The following TNR variants were observed in gnomAD, a reference collection of about 807,000 sequenced individuals.
TNR encodes the protein tenascin R, also known as tenascin-R.
In TNR, 45 loss-of-function variants were observed where a neutral mutation model predicts 150.4. That is an observed-to-expected ratio of 0.30 (90% CI 0.24 to 0.38). The LOEUF (loss-of-function observed/expected upper bound fraction) is 0.38. Among genes scored for constraint, TNR ranks in the 10% least tolerant of loss-of-function variants. The pLI is 1.00. For missense variants in TNR, 1,544 were observed against 1,759.1 expected, an observed-to-expected ratio of 0.88 and a Z score of 2.19; for synonymous variants, 687 against 678.4, an observed-to-expected ratio of 1.01 and a Z score of -0.20.
intron 1 of TNR, among the ~76,000 whole-genome samples, chr1:175,705,998 A>G (rs921708032): frequency 6.6e-6 from 1 of 152,230 alleles, no homozygotes; most frequent in African/African-American, 2.4e-5. Context: ...TTACACAGCC[A>G]GAGAAGACAA....
chr1:175,702,784 T>A (rs1666733888), intron 1 of TNR, among the ~76,000 whole-genome samples: 1 of 152,216 alleles, frequency 6.6e-6, no homozygotes, highest in South Asian at 2.1e-4. Flanking sequence ...TGTTCCACAT[T>A]TGGGGAATGT....
At chr1:175,519,289 AGT>A (rs1393259652) in intron 2 of TNR, among the ~76,000 whole-genome samples, 1 of 152,192 alleles carries the variant, frequency 6.6e-6, no homozygotes, top group African/African-American at 2.4e-5. Context: ...CTGATCTTCC[AGT>A]GTGTGTGTTC....
intron 1 of TNR, among the ~76,000 whole-genome samples, chr1:175,600,724 C>T (rs772969234): frequency 2.6e-5 from 4 of 152,216 alleles, no homozygotes; most frequent in African/African-American, 4.8e-5. Context: ...GAGGAAGGAG[C>T]TCATTTAAAA....
chr1:175,709,339 A>ACACACACG (rs916667566), intron 1 of TNR, among the ~76,000 whole-genome samples: 1 of 150,708 alleles, frequency 6.6e-6, no homozygotes, highest in African/African-American at 2.4e-5. Context: ...ACACACACAC[A>ACACACACG]CACGCACTTC....
At chr1:175,732,591 A>C (rs1019206026) in intron 1 of TNR, among the ~76,000 whole-genome samples, 2 of 152,228 alleles carry the variant, frequency 1.3e-5, no homozygotes, top group African/African-American at 4.8e-5. Flanking sequence ...TTTGTGGTTC[A>C]AACCAAGCTT....
intron 2 of TNR, among the ~76,000 whole-genome samples, chr1:175,483,151 T>C (rs1387116631): frequency 6.6e-6 from 1 of 152,162 alleles, no homozygotes; most frequent in Non-Finnish European, 1.5e-5. Flanking sequence ...CAGGCTCCAG[T>C]CCATGCCTTC....
At chr1:175,356,113 G>T (rs1651313061) in intron 16 of TNR, among the ~76,000 whole-genome samples, 1 of 152,008 alleles carries the variant, frequency 6.6e-6, no homozygotes, top group Admixed American at 6.6e-5. Flanking sequence ...TGTCACCCAG[G>T]GTGAGAGCAG....
At chr1:175,327,556 A>G (rs1007807163) in intron 21 of TNR, among the ~76,000 whole-genome samples, 1 of 152,042 alleles carries the variant, frequency 6.6e-6, no homozygotes, top group Non-Finnish European at 1.5e-5. Flanking sequence ...CCATGTTAAG[A>G]CTGAATTCCT....
chr1:175,695,289 G>C (rs1383199055), intron 1 of TNR, among the ~76,000 whole-genome samples: 1 of 152,218 alleles, frequency 6.6e-6, no homozygotes, highest in Non-Finnish European at 1.5e-5. Context: ...CCTGCCCACA[G>C]CCGTGTAAGT....
intron 1 of TNR, among the ~76,000 whole-genome samples, chr1:175,719,772 C>A (rs1424284785): frequency 2.6e-5 from 4 of 152,158 alleles, no homozygotes; most frequent in Admixed American, 6.5e-5. Flanking sequence ...CCTTTATTTC[C>A]CTACCTGCTG....
chr1:175,473,802 A>G (rs949622017), intron 2 of TNR, among the ~76,000 whole-genome samples: 2 of 152,214 alleles, frequency 1.3e-5, no homozygotes, highest in Admixed American at 6.5e-5. Flanking sequence ...ATCTACCCGG[A>G]AAGATCAATG....
chr1:175,672,551 T>C (rs1571737402), intron 1 of TNR, among the ~76,000 whole-genome samples: 1 of 152,210 alleles, frequency 6.6e-6, no homozygotes, highest in Non-Finnish European at 1.5e-5. Flanking sequence ...GCCTTCACTC[T>C]CCATCCAAAG....
intron 1 of TNR, among the ~76,000 whole-genome samples, chr1:175,589,486 A>C (rs1662708104): frequency 6.6e-6 from 1 of 152,208 alleles, no homozygotes; most frequent in African/African-American, 2.4e-5. Flanking sequence ...TTTGATATTC[A>C]TAGAGCACCT....
At chr1:175,324,139 C>T (rs1649223902) in intron 22 of TNR, among the ~76,000 whole-genome samples, 2 of 152,214 alleles carry the variant, frequency 1.3e-5, no homozygotes, top group Non-Finnish European at 2.9e-5. Flanking sequence ...AAGGGCTTCT[C>T]TGGGTAAGTT....
intron 2 of TNR, among the ~76,000 whole-genome samples, chr1:175,503,032 G>C (rs1658801412): frequency 6.7e-6 from 1 of 149,310 alleles, no homozygotes; most frequent in South Asian, 2.1e-4. Flanking sequence ...TCCCAACCCT[G>C]CTCCCCAGGG....
At chr1:175,497,829 G>A (rs1418807856) in intron 2 of TNR, among the ~76,000 whole-genome samples, 5 of 152,178 alleles carry the variant, frequency 3.3e-5, no homozygotes, top group Admixed American at 3.3e-4. Flanking sequence ...GGAGGCCGAG[G>A]TGGGCAGATC....
At chr1:175,667,689 G>C (rs1184253230) in intron 1 of TNR, among the ~76,000 whole-genome samples, 2 of 152,182 alleles carry the variant, frequency 1.3e-5, no homozygotes, top group Non-Finnish European at 2.9e-5. Context: ...GGATGAAACA[G>C]CACAGGGAGC....
chr1:175,590,671 G>C (rs577863620), intron 1 of TNR, among the ~76,000 whole-genome samples: 21 of 152,346 alleles, frequency 1.4e-4, no homozygotes, highest in Admixed American at 8.5e-4. Flanking sequence ...AGTGAGGAGG[G>C]GAAGGGCATT....
At chr1:175,386,996 T>C (rs1461104204) in intron 7 of TNR, among the ~76,000 whole-genome samples, 12 of 152,216 alleles carry the variant, frequency 7.9e-5, no homozygotes, top group Non-Finnish European at 8.8e-5. Context: ...AGAAGGACAT[T>C]GCAGTCACCT....
Sources: allele counts gnomAD v4.1 joint callset (sites outside exome capture counted in the v4.1 genomes callset), GRCh38; gene constraint gnomAD v4.1.1; transcripts MANE v1.5; gene names NCBI Gene and HGNC (gene_info 2026-07-23, HGNC 2026-07-21).